The following ITGA11 variants were observed in gnomAD, a reference collection of about 807,000 sequenced individuals.
The protein encoded by ITGA11 is integrin alpha-11.
In ITGA11, 97 loss-of-function variants were observed where a neutral mutation model predicts 141.9. That is an observed-to-expected ratio of 0.68 (90% CI 0.58 to 0.81). The LOEUF is 0.81. ITGA11 is among the 30% of genes least tolerant of loss of function. The pLI, the probability that ITGA11 is intolerant of heterozygous loss-of-function variation, is 0.00. For synonymous variants in ITGA11, 658 were observed against 624.6 expected (o/e 1.05, Z -0.80); for missense variants, 1,387 against 1,559.2 (o/e 0.89, Z 1.86).
intron 2 of ITGA11, among the ~76,000 whole-genome samples, chr15:68,397,972 C>A (rs1478562929): frequency 6.7e-6 from 1 of 149,382 alleles, no homozygotes; most frequent in Non-Finnish European, 1.5e-5. Flanking sequence ...TTGTCACCAC[C>A]AGGCCTGCCC....
At chr15:68,361,337 G>A (rs1895238003) in intron 5 of ITGA11, among the ~76,000 whole-genome samples, 1 of 152,158 alleles carries the variant, frequency 6.6e-6, no homozygotes, top group Non-Finnish European at 1.5e-5. Context: ...AGCCTCCCTT[G>A]AGGCTGGGAT....
At chr15:68,376,658 G>A (rs1284169787) in intron 2 of ITGA11, among the ~76,000 whole-genome samples, 1 of 152,234 alleles carries the variant, frequency 6.6e-6, no homozygotes, top group South Asian at 2.1e-4. Context: ...TCCAACATGG[G>A]TTGACCCAAC....
chr15:68,425,967 G>T (rs559724271), intron 1 of ITGA11, among the ~76,000 whole-genome samples: 1 of 152,220 alleles, frequency 6.6e-6, no homozygotes, highest in African/African-American at 2.4e-5. Context: ...ACCTCTGCCC[G>T]CTTTAGAGCT....
intron 2 of ITGA11, among the ~76,000 whole-genome samples, chr15:68,381,988 G>A (rs1319636712): frequency 6.6e-6 from 1 of 152,220 alleles, no homozygotes; most frequent in Non-Finnish European, 1.5e-5. Flanking sequence ...TGGAGTGCAG[G>A]AGCGCAGAGG....
At chr15:68,330,938 CT>C (rs1246568863) in intron 15 of ITGA11, 42 bp downstream of exon 15, 1 of 1,611,218 alleles carries the variant, frequency 6.2e-7, no homozygotes, top group African/African-American at 1.3e-5. Context: ...TTCATTGTGA[CT>C]TTCAGGAGAG....
chr15:68,400,910 TAATA>T (rs1466645918), intron 2 of ITGA11, among the ~76,000 whole-genome samples: 1 of 97,908 alleles, frequency 1.0e-5, no homozygotes, highest in Non-Finnish European at 1.8e-5. Flanking sequence ...ATATATTATA[TAATA>T]AATATTATAA....
chr15:68,313,004 G>T, intron 23 of ITGA11, 141 bp from the exon 24 acceptor site: 1 of 621,236 alleles, frequency 1.6e-6, no homozygotes. Context: ...CTGGGAGTGA[G>T]TGTCATGTTG....
chr15:68,323,828 G>A (rs1200739091), intron 18 of ITGA11, among the ~76,000 whole-genome samples: 1 of 152,088 alleles, frequency 6.6e-6, no homozygotes, highest in Non-Finnish European at 1.5e-5. Flanking sequence ...AAGGCCCTCT[G>A]ACCTATCATC....
chr15:68,385,694 G>A (rs1895969014), intron 2 of ITGA11, among the ~76,000 whole-genome samples: 1 of 152,198 alleles, frequency 6.6e-6, no homozygotes, highest in African/African-American at 2.4e-5. Flanking sequence ...TCGCCTAAGT[G>A]CTTGTTATTC....
Position 68,326,555 on chromosome 15 carries a change from TG to T in ITGA11, c.2211+98del. 7.3e-7 allele frequency: 1 copy of T among 1,362,916 alleles called. No individual in the cohort carries two copies. Among genetic ancestry groups the T allele is most frequent in the South Asian group, 1.5e-5 (1 of 67,726 alleles). The allele number at this position is 1,362,916 out of a possible 1,614,324, so 84.4% of individuals were successfully genotyped here. A position where few individuals can be genotyped will look rare whatever the true frequency, so the allele number is the denominator to read the frequency against. On this transcript the variant is annotated intron_variant, in intron 17 of 29. Coordinates refer to ENST00000315757, the MANE Select transcript of ITGA11 (RefSeq NM_001004439.2). The surrounding 1 kb of genome is among the most constrained non-coding windows in gnomAD (Gnocchi z 6.8). ...CCCTGGCTGGCTTCCTGAGGTCTGC[TG>T]GGGGCTTAGAACCAGCCAGGCAGAC...
In ITGA11 at chr15:68,423,787, C is replaced by T. The variant is rs11857338; in HGVS notation, c.52+8228G>A. On this transcript the variant is annotated intron_variant, in intron 1 of 29. Coordinates refer to ENST00000315757, the MANE Select transcript of ITGA11 (RefSeq NM_001004439.2). ...AGGTGTCCCCCTGCTTGTCCCACCC[C>T]GCAGGCCGGCCTCCTCCTTCTTGTT... 7.7e-3 allele frequency among the ~76,000 whole-genome samples: 1,174 copies of T among 152,248 alleles called. 22 individuals carry two copies. Among genetic ancestry groups the T allele is most frequent in the African/African-American group, 0.026 (1,065 of 41,534 alleles).
rs528025036 is a variant in ITGA11, at chr15:68,334,584, G to C, written c.1425+1113C>G. On this transcript the variant is annotated intron_variant, in intron 12 of 29. Transcript: ENST00000315757. The stretch of plus-strand genomic sequence containing the variant: ...AGAGGAAAGGGAAATAATACACATG[G>C]GTGGGAGAGGGAAGAGATGTGCCTA... Among the ~76,000 whole-genome samples, 454 of 152,234 alleles carry C rather than the reference G, an allele frequency of 3.0e-3. 3 individuals are homozygous for C. Among genetic ancestry groups the C allele is most frequent in the Middle Eastern group, 0.01 (3 of 294 alleles).
chr15:68,350,976 A>G (rs1483656698), intron 8 of ITGA11, among the ~76,000 whole-genome samples, 194 bp from the exon 9 acceptor site: 2 of 152,210 alleles, frequency 1.3e-5, no homozygotes, highest in Admixed American at 6.5e-5. Flanking sequence ...GTGCTAAGTT[A>G]GGGTCTGGGA....
intron 4 of ITGA11, among the ~76,000 whole-genome samples, chr15:68,362,792 TGA>T (rs1895288727): frequency 1.3e-5 from 2 of 151,902 alleles, no homozygotes; most frequent in Admixed American, 1.3e-4. Context: ...AATGAATGGG[TGA>T]ATGAATGATG....
chr15:68,408,484 G>A (rs1442143245), intron 1 of ITGA11, among the ~76,000 whole-genome samples: 1 of 152,122 alleles, frequency 6.6e-6, no homozygotes, highest in African/African-American at 2.4e-5. Flanking sequence ...TTAGCACAGG[G>A]GATGAGTGGA....
In ITGA11 at chr15:68,307,582, T is replaced by G. The variant is rs1361117648; in HGVS notation, c.3285+4A>C. 1 of 1,606,222 alleles carries G rather than the reference T, an allele frequency of 6.2e-7. No homozygotes were observed. The highest frequency in any genetic ancestry group is 1.7e-5 in the Admixed American group (1 of 59,740). On this transcript the variant is annotated splice_donor_region_variant and intron_variant, in intron 27 of 29. Transcript: ENST00000315757. The surrounding 1 kb of genome is among the most constrained non-coding windows in gnomAD (Gnocchi z 6.1). The stretch of plus-strand genomic sequence containing the variant: ...TTCCAGCCCAGCCCAGGGGCTCTAC[T>G]TACTGCTTTTAGGGACCTCAACCAC...
At chr15:68,313,228 C>T (rs538180641) in intron 23 of ITGA11, among the ~76,000 whole-genome samples, 3 of 151,760 alleles carry the variant, frequency 2.0e-5, no homozygotes, top group South Asian at 2.1e-4. Flanking sequence ...GCTTCCTCTC[C>T]GCATCTGCTG....
chr15:68,326,860 C>T lies in ITGA11; in HGVS notation c.2069-64G>A. On this transcript the variant is annotated intron_variant, in intron 16 of 29. Coordinates refer to ENST00000315757, the MANE Select transcript of ITGA11 (RefSeq NM_001004439.2). This position sits in a 1 kb window ranked among gnomAD's most constrained non-coding sequence, Gnocchi z 6.8. Reference sequence around the variant, plus strand: ...CACATGCCCATCCAAGACTGTCTGCCTCCTCCAGGAAGCCCCCCAGGCTGG... The same window carrying T: ...CACATGCCCATCCAAGACTGTCTGCTTCCTCCAGGAAGCCCCCCAGGCTGG... 3 of 1,501,898 alleles carry T rather than the reference C, an allele frequency of 2.0e-6. No individual in the cohort carries two copies. Among genetic ancestry groups the T allele is most frequent in the Non-Finnish European group, 2.7e-6 (3 of 1,117,282 alleles). The allele number at this position is 1,501,898 out of a possible 1,614,324, so 93.0% of individuals were successfully genotyped here. A position where few individuals can be genotyped will look rare whatever the true frequency, so the allele number is the denominator to read the frequency against.
Position 68,297,432 on chromosome 15 carries a change from C to CTTTTTTTT in ITGA11, c.*5619_*5626dup, listed in dbSNP as rs35780086. 5 of 95,818 alleles carry CTTTTTTTT rather than the reference C, an allele frequency of 5.2e-5. No homozygotes were observed. Among genetic ancestry groups the CTTTTTTTT allele is most frequent in the Non-Finnish European group, 8.1e-5 (4 of 49,436 alleles). 5.9% of individuals were successfully genotyped at this position (95,818 alleles called of 1,614,324 possible). On this transcript the variant is annotated 3_prime_UTR_variant, in exon 30 of 30. Coordinates refer to ENST00000315757, the MANE Select transcript of ITGA11 (RefSeq NM_001004439.2). ...ATCTGTACAGTTCTGCACTTCTGAG[C>CTTTTTTTT]TTTTTTTTTTTTTTTTTTTTTATCC...
Sources: gnomAD v4.1 joint callset for allele counts (sites outside exome capture counted in the v4.1 genomes callset) on GRCh38, gnomAD v4.1.1 for gene constraint, Gnocchi (gnomAD v3.1) non-coding constraint, MANE v1.5 for transcripts, NCBI Gene and HGNC (gene_info 2026-07-23, HGNC 2026-07-21) for gene names.